The following HYCC2 variants were observed in gnomAD, a reference collection of about 807,000 sequenced individuals.
HYCC2 encodes hyccin PI4KA lipid kinase complex subunit 2.
At chr2:201,032,582 C>G in the HYCC2 span, among the ~76,000 whole-genome samples, 1 of 152,118 alleles carries the variant, frequency 6.6e-6, no homozygotes, top group Non-Finnish European at 1.5e-5. Flanking sequence ...TTAATTCCTA[C>G]GTGGTTTTTA....
chr2:201,010,562 CAAAT>C, the HYCC2 span, among the ~76,000 whole-genome samples: 1 of 151,902 alleles, frequency 6.6e-6, no homozygotes, highest in Non-Finnish European at 1.5e-5. Flanking sequence ...ATTCTTCAGC[CAAAT>C]AAATATAAGC....
chr2:200,977,048 T>C, the HYCC2 span: 1 of 152,202 alleles, frequency 6.6e-6, no homozygotes, highest in Non-Finnish European at 1.5e-5. Flanking sequence ...AACTATAAAA[T>C]GGCAGCATAC....
chr2:201,058,533 C>T, the HYCC2 span, among the ~76,000 whole-genome samples: 7 of 152,108 alleles, frequency 4.6e-5, no homozygotes, highest in East Asian at 5.8e-4. Context: ...GGTGAAACCC[C>T]GTCTCTACTA....
the HYCC2 span, chr2:200,987,629 T>C: frequency 1.0e-5 from 9 of 903,704 alleles, no homozygotes; most frequent in Non-Finnish European, 1.0e-5. Flanking sequence ...TATATGGATA[T>C]GATATAAACA....
chr2:201,043,769 A>C, the HYCC2 span, among the ~76,000 whole-genome samples: 4 of 152,092 alleles, frequency 2.6e-5, no homozygotes, highest in Non-Finnish European at 5.9e-5. Context: ...CAGCCTCCCA[A>C]AGTGCTGGGA....
the HYCC2 span, among the ~76,000 whole-genome samples, chr2:201,045,821 C>G: frequency 4.6e-5 from 7 of 152,030 alleles, no homozygotes; most frequent in African/African-American, 1.7e-4. Flanking sequence ...TTCAAATTTG[C>G]CATTAATTAT....
the HYCC2 span, among the ~76,000 whole-genome samples, chr2:201,061,704 T>C: frequency 6.6e-6 from 1 of 152,072 alleles, no homozygotes; most frequent in South Asian, 2.1e-4. Context: ...AAAAATCTTT[T>C]CACAAATTAT....
At chr2:201,025,415 A>G in the HYCC2 span, among the ~76,000 whole-genome samples, 16 of 152,032 alleles carry the variant, frequency 1.1e-4, no homozygotes, top group African/African-American at 2.9e-4. Context: ...GAGACCAAAC[A>G]TATTTTTTCA....
At chr2:201,043,449 A>G in the HYCC2 span, among the ~76,000 whole-genome samples, 2 of 149,748 alleles carry the variant, frequency 1.3e-5, no homozygotes, top group Non-Finnish European at 3.0e-5. Flanking sequence ...AAAAAAAAAA[A>G]GAAAGAAAAA....
chr2:201,039,347 A>G, the HYCC2 span, among the ~76,000 whole-genome samples: 10 of 152,234 alleles, frequency 6.6e-5, no homozygotes, highest in Non-Finnish European at 1.3e-4. Flanking sequence ...TTCAGCACTG[A>G]CAGTGTTATT....
chr2:201,010,431 G>C, the HYCC2 span, among the ~76,000 whole-genome samples: 1 of 152,280 alleles, frequency 6.6e-6, no homozygotes, highest in East Asian at 1.9e-4. Flanking sequence ...TGGCAACAAA[G>C]GCCACTGCAG....
chr2:200,988,016 C>A, the HYCC2 span, among the ~76,000 whole-genome samples: 3 of 151,306 alleles, frequency 2.0e-5, no homozygotes. Flanking sequence ...TTATTTAGTT[C>A]AAAAAAAGAC....
At chr2:201,054,260 G>A in the HYCC2 span, among the ~76,000 whole-genome samples, 1 of 152,214 alleles carries the variant, frequency 6.6e-6, no homozygotes, top group Non-Finnish European at 1.5e-5. Flanking sequence ...TTGCAAGCTT[G>A]AGCTTGGTTT....
chr2:201,051,718 G>A, the HYCC2 span, among the ~76,000 whole-genome samples: 5 of 152,176 alleles, frequency 3.3e-5, no homozygotes, highest in Non-Finnish European at 7.3e-5. Flanking sequence ...CATGAGTTGG[G>A]AAGACTCATA....
chr2:201,028,177 A>G, the HYCC2 span, among the ~76,000 whole-genome samples: 1 of 152,210 alleles, frequency 6.6e-6, no homozygotes, highest in Non-Finnish European at 1.5e-5. Flanking sequence ...AATAACAAAC[A>G]AACAAAGAGC....
chr2:201,017,771 G>A, the HYCC2 span, among the ~76,000 whole-genome samples: 1 of 152,128 alleles, frequency 6.6e-6, no homozygotes, highest in Non-Finnish European at 1.5e-5. Flanking sequence ...TTAAATCTGT[G>A]AAAAACATGT....
chr2:201,051,953 T>C, the HYCC2 span, among the ~76,000 whole-genome samples: 6 of 152,268 alleles, frequency 3.9e-5, no homozygotes, highest in East Asian at 1.9e-4. Flanking sequence ...CTTCTATTTC[T>C]CAACAAGATG....
At chr2:201,029,302 AAAC>A in the HYCC2 span, among the ~76,000 whole-genome samples, 1 of 151,824 alleles carries the variant, frequency 6.6e-6, no homozygotes, top group African/African-American at 2.4e-5. Context: ...GAAAATCAGG[AAAC>A]AACAGATGCT....
chr2:201,028,488 A>G, the HYCC2 span, among the ~76,000 whole-genome samples: 1 of 152,230 alleles, frequency 6.6e-6, no homozygotes, highest in Non-Finnish European at 1.5e-5. Flanking sequence ...GGAACCAAAA[A>G]TGAGCCCATA....
Sources: gnomAD v4.1 joint callset for allele counts (sites outside exome capture counted in the v4.1 genomes callset) on GRCh38, gnomAD v4.1.1 for gene constraint, MANE v1.5 for transcripts, NCBI Gene and HGNC (gene_info 2026-07-23, HGNC 2026-07-21) for gene names.